The following PLXNA4 variants were observed in gnomAD, a reference collection of about 807,000 sequenced individuals.
PLXNA4 encodes the protein plexin-A4.
Under a neutral mutation model 191.8 loss-of-function variants are expected in PLXNA4, and 44 were observed. The ratio of observed to expected loss-of-function variants is 0.23; its 90% CI spans 0.18 to 0.29. PLXNA4 has a LOEUF of 0.29. PLXNA4 is among the 10% of genes least tolerant of loss of function. PLXNA4 has a pLI of 1.00. For missense variants in PLXNA4, 1,800 were observed against 2,488.8 expected (o/e 0.72, Z 5.89); for synonymous variants, 1,082 against 1,009.5 (o/e 1.07, Z -1.36).
chr7:132,540,569 C>CTTTTT (rs71915138), intron 1 of PLXNA4, among the ~76,000 whole-genome samples: 7,580 of 60,836 alleles, frequency 0.12, 2,552 homozygotes, highest in Middle Eastern at 0.17. Flanking sequence ...GTGGACCGTT[C>CTTTTT]TTTTTTTTTT....
chr7:132,576,643 A>G (rs1802253344), upstream of PLXNA4: 2 of 979,816 alleles, frequency 2.0e-6, no homozygotes, highest in Non-Finnish European at 2.4e-6. This position sits in a 1 kb window ranked among gnomAD's most constrained non-coding sequence, Gnocchi z 5.8. Flanking sequence ...GCGGGGCTTG[A>G]CAGCTTCTCT....
At chr7:132,351,493 G>A (rs891056912) in intron 3 of PLXNA4, among the ~76,000 whole-genome samples, 1 of 152,322 alleles carries the variant, frequency 6.6e-6, no homozygotes, top group African/African-American at 2.4e-5. Context: ...AGCAGAGGGT[G>A]TGTGAGAATG....
At chr7:132,415,446 G>A (rs117206873) in intron 3 of PLXNA4, among the ~76,000 whole-genome samples, 133 of 152,290 alleles carry the variant, frequency 8.7e-4, no homozygotes, top group Non-Finnish European at 1.6e-3. Flanking sequence ...ATCTGCTCTG[G>A]TGCAGGGAAC....
In PLXNA4 at chr7:132,159,003, A is replaced by G. The variant is rs568273433; in HGVS notation, c.4660+470T>C. 2.6e-5 allele frequency among the ~76,000 whole-genome samples: 4 copies of G among 152,310 alleles called. No homozygotes were observed. In the East Asian group the frequency reaches 5.8e-4, roughly 22 times the overall value. ...TCTCCATTCTCTATCACTGACCCAGATCCCTCAAGCTGTAGGTATTCAGCA... is the reference window on the plus strand; with the variant it reads ...TCTCCATTCTCTATCACTGACCCAGGTCCCTCAAGCTGTAGGTATTCAGCA... On this transcript the variant is annotated intron_variant, in intron 25 of 31. Transcript: ENST00000321063.
intron 3 of PLXNA4, among the ~76,000 whole-genome samples, chr7:132,322,430 G>A (rs572065888): frequency 2.6e-4 from 39 of 152,186 alleles, no homozygotes; most frequent in South Asian, 1.2e-3. Flanking sequence ...TGATCCACCC[G>A]CCTCGGCCTC....
At chr7:132,597,986 C>G (rs1325324742) in intron 2 of PLXNA4, among the ~76,000 whole-genome samples, 1 of 151,996 alleles carries the variant, frequency 6.6e-6, no homozygotes, top group Non-Finnish European at 1.5e-5. Flanking sequence ...GGGTGCAATC[C>G]CGTTAGGGAC....
At chr7:132,223,198 A>G (rs1441804675) in intron 9 of PLXNA4, among the ~76,000 whole-genome samples, 9 of 152,144 alleles carry the variant, frequency 5.9e-5, no homozygotes, top group Admixed American at 5.9e-4. Flanking sequence ...CCTGCTGTGT[A>G]CTTACAATTA....
chr7:132,208,921 G>A (rs973163015), intron 10 of PLXNA4, among the ~76,000 whole-genome samples: 9 of 152,162 alleles, frequency 5.9e-5, no homozygotes, highest in African/African-American at 1.9e-4. Flanking sequence ...TCACACCCAC[G>A]TTCGGGGAGT....
At chr7:132,245,074 A>C (rs1193856888) in intron 4 of PLXNA4, among the ~76,000 whole-genome samples, 4 of 152,120 alleles carry the variant, frequency 2.6e-5, no homozygotes, top group Admixed American at 6.5e-5. Flanking sequence ...ACCACTCCAG[A>C]TGCAGAGCCA....
At chr7:132,594,928 T>TAGAC (rs1802670641) in intron 2 of PLXNA4, among the ~76,000 whole-genome samples, 1 of 91,330 alleles carries the variant, frequency 1.1e-5, no homozygotes, top group Non-Finnish European at 2.4e-5. Flanking sequence ...GATAGATAGA[T>TAGAC]AGATAGATAG....
At chr7:132,357,788 C>T (rs1225628840) in intron 3 of PLXNA4, among the ~76,000 whole-genome samples, 2 of 152,184 alleles carry the variant, frequency 1.3e-5, no homozygotes, top group South Asian at 2.1e-4. Flanking sequence ...GATTTTACTG[C>T]AGTGTTTGGA....
intron 14 of PLXNA4, among the ~76,000 whole-genome samples, chr7:132,188,333 C>T (rs1194191697): frequency 6.6e-6 from 1 of 152,216 alleles, no homozygotes; most frequent in Non-Finnish European, 1.5e-5. Flanking sequence ...TTTGTTCTTT[C>T]ATTAGCATTT....
rs1488624411 is a variant in PLXNA4, at chr7:132,346,563, G to A, written c.1372-48341C>T. ...CACAGAGCAGCAGGAAACCTACATT[G>A]TTTTCCCTACTAGATTTAAACCTGT... is the stretch of plus-strand genomic sequence containing the variant. On this transcript the variant is annotated intron_variant, in intron 3 of 31. Transcript: ENST00000321063. Among the ~76,000 whole-genome samples, 3 of 152,116 alleles carry A rather than the reference G, an allele frequency of 2.0e-5. No homozygotes were observed. In the East Asian group the frequency reaches 5.8e-4, roughly 29 times the overall value.
At chr7:132,268,809 A>G (rs994032135) in intron 4 of PLXNA4, among the ~76,000 whole-genome samples, 2 of 152,168 alleles carry the variant, frequency 1.3e-5, no homozygotes, top group Non-Finnish European at 2.9e-5. Context: ...TGGCATGTCA[A>G]CTGCTGGCCT....
chr7:132,373,941 A>G (rs144424333), intron 3 of PLXNA4, among the ~76,000 whole-genome samples: 113 of 152,298 alleles, frequency 7.4e-4, no homozygotes, highest in Non-Finnish European at 1.4e-3. Flanking sequence ...AGGGATATAT[A>G]AGAGAGGATT....
intron 30 of PLXNA4, among the ~76,000 whole-genome samples, chr7:132,136,145 C>T (rs746179070): frequency 6.6e-6 from 1 of 152,212 alleles, no homozygotes; most frequent in Non-Finnish European, 1.5e-5. Flanking sequence ...CACCTTGTGC[C>T]TGACGCTGAC....
At chr7:132,357,435 C>G (rs1460456459) in intron 3 of PLXNA4, among the ~76,000 whole-genome samples, 1 of 152,196 alleles carries the variant, frequency 6.6e-6, no homozygotes, top group South Asian at 2.1e-4. Flanking sequence ...CTGCTCTTGT[C>G]CACATTCTCA....
At chr7:132,308,787 A>G (rs116119137) in intron 3 of PLXNA4, among the ~76,000 whole-genome samples, 1 of 152,320 alleles carries the variant, frequency 6.6e-6, no homozygotes, top group African/African-American at 2.4e-5. Flanking sequence ...GGGGGTTTTG[A>G]TAAATACTAG....
In PLXNA4 at chr7:132,508,381, T is replaced by G; in HGVS notation, c.313A>C (p.Asn105His). Residue 105 changes from asparagine to histidine, a missense_variant, in exon 2 of 32, where the codon AAT (asparagine) becomes CAT (histidine). Coordinates refer to ENST00000321063, the MANE Select transcript of PLXNA4 (RefSeq NM_020911.2). This position sits in a 1 kb window ranked among gnomAD's most constrained non-coding sequence, Gnocchi z 4.4. ...CYPPRIVQTC[N>H]EPLTTTNNVN... Reference sequence around the variant, plus strand: ...TTGTTGGTGGTGGTCAGGGGCTCATTGCAGGTCTGGACGATGCGGGGTGGG... The same window carrying G: ...TTGTTGGTGGTGGTCAGGGGCTCATGGCAGGTCTGGACGATGCGGGGTGGG... The G allele has an allele frequency of 6.2e-7, 1 of 1,614,184 alleles. No individual in the cohort carries two copies. The highest frequency in any genetic ancestry group is 8.5e-7 in the Non-Finnish European group (1 of 1,180,044).
Sources: gnomAD v4.1 joint callset for allele counts (sites outside exome capture counted in the v4.1 genomes callset) on GRCh38, gnomAD v4.1.1 for gene constraint, Gnocchi (gnomAD v3.1) non-coding constraint, MANE v1.5 for transcripts, NCBI Gene and HGNC (gene_info 2026-07-23, HGNC 2026-07-21) for gene names.